The following PRDM2 variants were observed in gnomAD, a reference collection of about 807,000 sequenced individuals.
PRDM2 encodes the protein PR/SET domain 2, also known as PR domain zinc finger protein 2.
PRDM2 carries 30 observed loss-of-function variants against 130.0 expected under a neutral mutation model. The observed-to-expected ratio is 0.23, with a 90% CI of 0.17 to 0.31. The LOEUF is 0.31. Ranked by LOEUF, PRDM2 falls within the 10% of genes least tolerant of loss-of-function variation. The pLI is 1.00. For synonymous variants in PRDM2, 871 were observed against 782.4 expected, an observed-to-expected ratio of 1.11 and a Z score of -1.89; for missense variants, 2,011 against 2,108.4, an observed-to-expected ratio of 0.95 and a Z score of 0.90.
chr1:13,811,041 G>A (rs1178883934), intron 8 of PRDM2, among the ~76,000 whole-genome samples: 1 of 151,956 alleles, frequency 6.6e-6, no homozygotes, highest in East Asian at 2.0e-4. Flanking sequence ...AAAATTAGCC[G>A]GGCATGGTGG....
chr1:13,774,031 T>A (rs1336477067), intron 7 of PRDM2, among the ~76,000 whole-genome samples: 1 of 152,274 alleles, frequency 6.6e-6, no homozygotes, highest in African/African-American at 2.4e-5. Flanking sequence ...AGTGTGTTTC[T>A]GTTTTTTGTT....
chr1:13,703,195 C>T (rs758843842), intron 1 of PRDM2, among the ~76,000 whole-genome samples: 6 of 152,214 alleles, frequency 3.9e-5, no homozygotes, highest in Non-Finnish European at 7.3e-5. Flanking sequence ...TCCATTAAAG[C>T]AGAGTTTCTC....
At chr1:13,796,644 C>G (rs139823421) in intron 8 of PRDM2, among the ~76,000 whole-genome samples, 1 of 152,074 alleles carries the variant, frequency 6.6e-6, no homozygotes, top group South Asian at 2.1e-4. Flanking sequence ...CCCAGCTACT[C>G]AGGAGGCTGA....
intron 8 of PRDM2, among the ~76,000 whole-genome samples, chr1:13,797,442 G>C (rs902437915): frequency 5.9e-5 from 9 of 152,178 alleles, no homozygotes; most frequent in Non-Finnish European, 8.8e-5. Context: ...TATATGCCGT[G>C]CCAGATTATT....
chr1:13,746,058 G>A (rs1336832723), intron 5 of PRDM2, among the ~76,000 whole-genome samples: 1 of 152,054 alleles, frequency 6.6e-6, no homozygotes, highest in Non-Finnish European at 1.5e-5. Context: ...GCTTCTTCCT[G>A]ATTTGTTTGG....
In PRDM2 at chr1:13,780,934, G is replaced by T. The variant is rs868416848; in HGVS notation, c.3139G>T (p.Gly1047Trp). 6.2e-7 allele frequency: 1 copy of T among 1,610,750 alleles called. No homozygotes were observed. Among genetic ancestry groups the T allele is most frequent in the Non-Finnish European group, 8.5e-7 (1 of 1,178,182 alleles). ...GCCCCTGATGTCTGCCGCCTCACCC[G>T]GGCCTCCAACACTTTCTTCTTCCTC... ...VEPLMSAASP[G>W]PPTLSSSSSS... Residue 1047 changes from glycine to tryptophan, a missense_variant, in exon 8 of 10, where the codon GGG becomes TGG. By Grantham distance (184) the Gly-to-Trp change is radical. Around this residue, in one of 5 missense-constraint regions of PRDM2, gnomAD observed 1,288 missense variants for 1,237.7 expected, o/e 1.04. Transcript: ENST00000311066.
chr1:13,778,401 T>A lies in PRDM2; in HGVS notation c.623-17T>A. On this transcript the variant is annotated splice_polypyrimidine_tract_variant and intron_variant, in intron 7 of 9. Transcript: ENST00000311066. ...CCATGCTTCACTTCCATGCTTCTGC[T>A]TCCATGTGCTTTCTAGGTCCTAAAG... 1 of 1,565,760 alleles carries A rather than the reference T, an allele frequency of 6.4e-7. No individual in the cohort carries two copies. The highest frequency in any genetic ancestry group is 2.3e-5 in the East Asian group (1 of 44,428).
At chr1:13,752,324 G>A (rs959135541) in intron 6 of PRDM2, among the ~76,000 whole-genome samples, 1 of 152,202 alleles carries the variant, frequency 6.6e-6, no homozygotes, top group African/African-American at 2.4e-5. Flanking sequence ...CTTTAATTTG[G>A]ATTCCCAGAT....
At chr1:13,713,575 TA>T (rs1642437896) in intron 1 of PRDM2, among the ~76,000 whole-genome samples, 1 of 152,230 alleles carries the variant, frequency 6.6e-6, no homozygotes, top group Non-Finnish European at 1.5e-5. Context: ...AGGGAAATGG[TA>T]AAGCATTATA....
At chr1:13,702,663 C>G (rs2487626) in intron 1 of PRDM2, among the ~76,000 whole-genome samples, 9,414 of 152,112 alleles carry the variant, frequency 0.062, 595 homozygotes, top group African/African-American at 0.16. Flanking sequence ...CTTTAAGCAG[C>G]CTGTTTCTTT....
chr1:13,755,469 G>A (rs527935734), intron 6 of PRDM2, among the ~76,000 whole-genome samples: 1 of 152,210 alleles, frequency 6.6e-6, no homozygotes, highest in East Asian at 1.9e-4. Context: ...AATAAAGTTC[G>A]ATTATGATTA....
At chr1:13,768,138 C>T (rs1187613936) in intron 6 of PRDM2, among the ~76,000 whole-genome samples, 4 of 135,764 alleles carry the variant, frequency 2.9e-5, no homozygotes, top group Non-Finnish European at 6.1e-5. Context: ...AGTCCGGTGG[C>T]GTGATCTCGG....
At chr1:13,778,337 A>G (rs1644525695) in intron 7 of PRDM2, 81 bp from the exon 8 acceptor site, 1 of 1,380,184 alleles carries the variant, frequency 7.2e-7, no homozygotes, top group Admixed American at 2.3e-5. Context: ...AAGAGAAATA[A>G]CTTGAATCAT....
At chr1:13,772,958 A>G in intron 6 of PRDM2, 120 bp from the exon 7 acceptor site, 2 of 602,202 alleles carry the variant, frequency 3.3e-6, no homozygotes, top group Non-Finnish European at 5.6e-6. Context: ...CCAGGAATAT[A>G]CAGTGTTCTT....
intron 2 of PRDM2, among the ~76,000 whole-genome samples, chr1:13,724,949 C>T (rs1447114088): frequency 6.6e-6 from 1 of 152,072 alleles, no homozygotes; most frequent in Non-Finnish European, 1.5e-5. Context: ...GAACGTAGGA[C>T]ATGAATGTTT....
At chr1:13,749,283 G>GCGTCCCGGTGCGCGCCCCGCCCC (rs1219553854) in intron 5 of PRDM2, 78 bp from the exon 6 acceptor site, 16 of 1,251,004 alleles carry the variant, frequency 1.3e-5, no homozygotes, top group Non-Finnish European at 1.7e-5. Context: ...GCTCCCGCCC[G>GCGTCCCGGTGCGCGCCCCGCCCC]CGTCCCGGTG....
At chr1:13,761,336 A>AC (rs1557628830) in intron 6 of PRDM2, among the ~76,000 whole-genome samples, 1 of 151,822 alleles carries the variant, frequency 6.6e-6, no homozygotes, top group African/African-American at 2.4e-5. Context: ...TATATGACAA[A>AC]TTTTTTTTTA....
chr1:13,747,597 T>C (rs1643649926), intron 5 of PRDM2, among the ~76,000 whole-genome samples: 1 of 152,136 alleles, frequency 6.6e-6, no homozygotes, highest in South Asian at 2.1e-4. Flanking sequence ...GCTGCCTTGT[T>C]TTAATTTAAA....
chr1:13,727,501 C>T (rs1287817194), intron 2 of PRDM2, among the ~76,000 whole-genome samples: 1 of 152,130 alleles, frequency 6.6e-6, no homozygotes, highest in Admixed American at 6.5e-5. Flanking sequence ...GTAATCTGCC[C>T]GCCTTGACCT....
Sources: gnomAD v4.1 joint callset for allele counts (sites outside exome capture counted in the v4.1 genomes callset) on GRCh38, gnomAD v4.1.1 for gene constraint, gnomAD v4.1.1 regional missense constraint, MANE v1.5 for transcripts, NCBI Gene and HGNC (gene_info 2026-07-23, HGNC 2026-07-21) for gene names.